The following FRMD3 variants were observed in gnomAD, a reference collection of about 807,000 sequenced individuals.
FRMD3 encodes the protein FERM domain containing 3.
In FRMD3, 33 loss-of-function variants were observed where a neutral mutation model predicts 70.2. That is an observed-to-expected ratio of 0.47 (90% CI 0.36 to 0.63). The LOEUF (loss-of-function observed/expected upper bound fraction) is 0.63. Among genes scored for constraint, FRMD3 ranks in the 20% least tolerant of loss-of-function variants. The probability of loss-of-function intolerance (pLI) is 0.00; values close to 1 mark genes in which losing one functional copy is unlikely to be tolerated. For missense variants in FRMD3, 632 were observed against 711.4 expected, an observed-to-expected ratio of 0.89 and a Z score of 1.27; for synonymous variants, 279 against 255.9, an observed-to-expected ratio of 1.09 and a Z score of -0.86.
chr9:83,264,890 A>G (rs979217080), intron 13 of FRMD3, among the ~76,000 whole-genome samples: 1 of 152,144 alleles, frequency 6.6e-6, no homozygotes, highest in Non-Finnish European at 1.5e-5. Context: ...AAACTAAAAA[A>G]AAAATTAGAT....
chr9:83,293,976 G>A (rs116267244), intron 12 of FRMD3, among the ~76,000 whole-genome samples: 1,610 of 152,278 alleles, frequency 0.011, 19 homozygotes, highest in African/African-American at 0.036. Context: ...TTGACAGCCT[G>A]GGGGAAAGAG....
In FRMD3 at chr9:83,335,561, T is replaced by C. The variant is rs770074117; in HGVS notation, c.551A>G (p.Gln184Arg). 6.2e-7 allele frequency: 1 copy of C among 1,613,382 alleles called. No individual in the cohort carries two copies. Among genetic ancestry groups the C allele is most frequent in the East Asian group, 2.2e-5 (1 of 44,874 alleles). ...TTCCACTATTTTTCTTTCCAGCTTC[T>C]GTGACTGCTTGGGGAAAATCTCAAA... ...SEFEIFPKQS[Q>R]KLERKIVEIH... Residue 184 changes from glutamine to arginine, a missense_variant, in exon 6 of 14, where the codon CAG becomes CGG. Coordinates refer to ENST00000304195, the MANE Select transcript of FRMD3 (RefSeq NM_174938.6).
chr9:83,298,030 C>T (rs1834745931), intron 12 of FRMD3, among the ~76,000 whole-genome samples: 1 of 152,110 alleles, frequency 6.6e-6, no homozygotes, highest in Non-Finnish European at 1.5e-5. Context: ...AAGGAAATAC[C>T]TCTGGGTTTC....
chr9:83,462,480 A>T (rs927332039), intron 1 of FRMD3, among the ~76,000 whole-genome samples: 1 of 152,114 alleles, frequency 6.6e-6, no homozygotes, highest in Non-Finnish European at 1.5e-5. Context: ...GCTCTGTGGC[A>T]AGGCTGGGAG....
chr9:83,256,525 CT>C (rs2118624999), intron 13 of FRMD3, among the ~76,000 whole-genome samples: 1 of 152,176 alleles, frequency 6.6e-6, no homozygotes, highest in African/African-American at 2.4e-5. Context: ...CAAATGGGAT[CT>C]AATTAAACTA....
intron 13 of FRMD3, among the ~76,000 whole-genome samples, chr9:83,284,685 T>C (rs958599967): frequency 1.3e-5 from 2 of 152,134 alleles, no homozygotes; most frequent in African/African-American, 4.8e-5. Context: ...AGGGAAGAAA[T>C]GGCTTAGCAT....
chr9:83,347,567 A>T (rs1046397910), intron 4 of FRMD3, among the ~76,000 whole-genome samples: 1 of 152,232 alleles, frequency 6.6e-6, no homozygotes, highest in African/African-American at 2.4e-5. Context: ...ATGGAGAGAT[A>T]AAGGATAAAA....
chr9:83,354,694 A>T, intron 3 of FRMD3, among the ~76,000 whole-genome samples: 1 of 152,206 alleles, frequency 6.6e-6, no homozygotes, highest in East Asian at 1.9e-4. Context: ...GGACACATTC[A>T]GTAGGGGTAA....
chr9:83,322,372 A>G (rs559448043), intron 6 of FRMD3, among the ~76,000 whole-genome samples: 1 of 152,168 alleles, frequency 6.6e-6, no homozygotes, highest in East Asian at 1.9e-4. Flanking sequence ...CCAGGCAAGC[A>G]GTGTGGACGA....
the FRMD3 span, among the ~76,000 whole-genome samples, chr9:83,553,737 T>C: frequency 6.6e-6 from 1 of 152,208 alleles, no homozygotes; most frequent in Non-Finnish European, 1.5e-5. Flanking sequence ...CCAGCTATTT[T>C]GTCCTTCAGC....
At chr9:83,583,157 G>T in the FRMD3 span, among the ~76,000 whole-genome samples, 1 of 152,130 alleles carries the variant, frequency 6.6e-6, no homozygotes, top group African/African-American at 2.4e-5. Flanking sequence ...TCGCTTTAGA[G>T]AAACTATTAT....
rs114070525 is a variant in FRMD3 at position 83,391,413 on chromosome 9, C to G, written c.148-1705G>C. Among the ~76,000 whole-genome samples the G allele has an allele frequency of 7.5e-3, 1,139 of 152,284 alleles. 14 individuals are homozygous for G. Among genetic ancestry groups the G allele is most frequent in the African/African-American group, 0.025 (1,024 of 41,558 alleles). ...GTTGCAGCATTATCCCCTCACCAAACATAACATAGGAGCTCATCATTTTAT... is the reference window on the plus strand; with the variant it reads ...GTTGCAGCATTATCCCCTCACCAAAGATAACATAGGAGCTCATCATTTTAT... On this transcript the variant is annotated intron_variant, in intron 1 of 13. Transcript: ENST00000304195.
At chr9:83,348,008 T>G (rs1824017907) in intron 4 of FRMD3, among the ~76,000 whole-genome samples, 1 of 152,196 alleles carries the variant, frequency 6.6e-6, no homozygotes, top group Non-Finnish European at 1.5e-5. Flanking sequence ...GGCGAGAAAC[T>G]AGGGTTATTA....
intron 13 of FRMD3, among the ~76,000 whole-genome samples, chr9:83,271,098 T>G (rs1452590013): frequency 6.6e-6 from 1 of 152,192 alleles, no homozygotes; most frequent in East Asian, 1.9e-4. Context: ...TTTACATGAC[T>G]GGGTTCCTGA....
At chr9:83,570,624 G>A in the FRMD3 span, among the ~76,000 whole-genome samples, 1 of 152,160 alleles carries the variant, frequency 6.6e-6, no homozygotes, top group Admixed American at 6.5e-5. Context: ...ATTGCAAAGT[G>A]AATAGATCAC....
chr9:83,490,617 A>AT, intron 1 of FRMD3, among the ~76,000 whole-genome samples: 1 of 152,266 alleles, frequency 6.6e-6, no homozygotes, highest in African/African-American at 2.4e-5. Context: ...TTAACTTTTA[A>AT]TCTATTTGGC....
At chr9:83,462,846 A>T (rs1354036834) in intron 1 of FRMD3, among the ~76,000 whole-genome samples, 1 of 152,240 alleles carries the variant, frequency 6.6e-6, no homozygotes, top group Non-Finnish European at 1.5e-5. Flanking sequence ...TTTCAGAAAC[A>T]GGGATGATAA....
chr9:83,357,136 T>C (rs1824373397), intron 3 of FRMD3, among the ~76,000 whole-genome samples: 1 of 143,768 alleles, frequency 7.0e-6, no homozygotes, highest in Non-Finnish European at 1.5e-5. Context: ...TTACATTATA[T>C]ATATTATGTA....
At chr9:83,333,554 C>T (rs1329481785) in intron 6 of FRMD3, among the ~76,000 whole-genome samples, 2 of 152,160 alleles carry the variant, frequency 1.3e-5, no homozygotes, top group Non-Finnish European at 2.9e-5. Context: ...TGTGGATCAC[C>T]AAGTCTGGCT....
Sources: allele counts gnomAD v4.1 joint callset (sites outside exome capture counted in the v4.1 genomes callset), GRCh38; gene constraint gnomAD v4.1.1; transcripts MANE v1.5; gene names NCBI Gene and HGNC (gene_info 2026-07-23, HGNC 2026-07-21).